RXFP2: variants seen among roughly 807,000 people sequenced by gnomAD.
RXFP2 encodes the protein relaxin receptor 2.
RXFP2 carries 68 observed loss-of-function variants against 88.6 expected under a neutral mutation model. The observed-to-expected ratio is 0.77, with a 90% CI of 0.63 to 0.94. RXFP2 has a LOEUF of 0.94. Among genes scored for constraint, RXFP2 ranks in the 40% least tolerant of loss-of-function variants. RXFP2 has a pLI of 0.00. For missense variants in RXFP2, 791 were observed against 893.9 expected (o/e 0.88, Z 1.47); for synonymous variants, 329 against 306.8 (o/e 1.07, Z -0.76).
intron 1 of RXFP2, 118 bp downstream of exon 1, chr13:31,739,824 A>T (rs1871155942): frequency 4.1e-6 from 3 of 729,394 alleles, no homozygotes; most frequent in East Asian, 2.7e-5. Context: ...ACAGACATCA[A>T]ATTTGCCTGG....
intron 1 of RXFP2, among the ~76,000 whole-genome samples, chr13:31,753,793 C>T (rs570494687): frequency 1.3e-5 from 2 of 152,050 alleles, no homozygotes; most frequent in Non-Finnish European, 2.9e-5. Flanking sequence ...TTGAAAAGTG[C>T]TCTTCCTTCA....
chr13:31,740,654 A>C (rs1343451154), intron 1 of RXFP2, among the ~76,000 whole-genome samples: 1 of 152,046 alleles, frequency 6.6e-6, no homozygotes, highest in Non-Finnish European at 1.5e-5. Flanking sequence ...ACTTCTAACA[A>C]ACAAAAGATT....
intron 1 of RXFP2, among the ~76,000 whole-genome samples, chr13:31,751,709 C>A (rs193152689): frequency 2.0e-4 from 30 of 152,268 alleles, no homozygotes; most frequent in African/African-American, 7.2e-4. Flanking sequence ...GGTGAAGGGA[C>A]CAAGGTACCA....
intron 13 of RXFP2, among the ~76,000 whole-genome samples, chr13:31,787,427 T>C (rs1873593678): frequency 6.6e-6 from 1 of 152,246 alleles, no homozygotes; most frequent in Admixed American, 6.5e-5. Context: ...GAAGCCATAA[T>C]ATTAAACATA....
intron 1 of RXFP2, among the ~76,000 whole-genome samples, chr13:31,755,435 G>A (rs374943902): frequency 3.4e-4 from 51 of 152,218 alleles, no homozygotes; most frequent in African/African-American, 1.1e-3. Flanking sequence ...GTGTGTGGGT[G>A]TGAGAGTGAG....
intron 17 of RXFP2, 31 bp from the exon 18 acceptor site, chr13:31,802,115 C>A (rs1566241045): frequency 6.2e-7 from 1 of 1,609,832 alleles, no homozygotes; most frequent in African/African-American, 1.3e-5. Flanking sequence ...AAAACTTCAA[C>A]TTTTTTTTCA....
intron 2 of RXFP2, among the ~76,000 whole-genome samples, chr13:31,760,077 T>TTTGTTTGA (rs1872230886): frequency 6.8e-6 from 1 of 146,810 alleles, no homozygotes; most frequent in Admixed American, 6.8e-5. Flanking sequence ...GTTGTTGTTG[T>TTTGTTTGA]TTGTTTGTTT....
intron 9 of RXFP2, 133 bp downstream of exon 9, chr13:31,778,716 C>A: frequency 2.6e-6 from 2 of 779,680 alleles, no homozygotes; most frequent in South Asian, 2.7e-5. Flanking sequence ...TATTACCTTC[C>A]CAGTTTCAAA....
In RXFP2 at chr13:31,749,083, T is replaced by A. The variant is rs556231158; in HGVS notation, c.95-9175T>A. 3.9e-5 allele frequency among the ~76,000 whole-genome samples: 6 copies of A among 152,324 alleles called. No individual in the cohort carries two copies. The South Asian group carries it at 1.2e-3, about 32-fold the overall frequency. ...TTATGATTAGTACTTTTATTTGGCT[T>A]TTCTTCTTTGTATTCTCCTTAATAC... is the stretch of plus-strand genomic sequence containing the variant. On this transcript the variant is annotated intron_variant, in intron 1 of 17. Coordinates refer to ENST00000298386, the MANE Select transcript of RXFP2 (RefSeq NM_130806.5).
intron 6 of RXFP2, 43 bp from the exon 7 acceptor site, chr13:31,775,275 G>A: frequency 7.3e-7 from 1 of 1,369,172 alleles, no homozygotes; most frequent in Non-Finnish European, 1.0e-6. Flanking sequence ...GACTAAAATA[G>A]GGTATTGAGT....
At chr13:31,781,834 T>C in intron 10 of RXFP2, 92 bp downstream of exon 10, 1 of 981,992 alleles carries the variant, frequency 1.0e-6, no homozygotes, top group South Asian at 1.4e-5. Flanking sequence ...TAAAGTAGTG[T>C]TTTGTTTACA....
chr13:31,766,488 G>A (rs1471908459), intron 5 of RXFP2, among the ~76,000 whole-genome samples: 7 of 152,190 alleles, frequency 4.6e-5, no homozygotes, highest in African/African-American at 1.4e-4. Flanking sequence ...TAACATATCT[G>A]AGGAAAGAAA....
rs749993531 is a variant in RXFP2 at position 31,780,475 on chromosome 13, T to C, written c.786-1196T>C. On this transcript the variant is annotated intron_variant, in intron 9 of 17. Transcript: ENST00000298386. ...TTTGTTATTTTTAATCACAGTATAT[T>C]GTGTGAAAAATGTACATCTCAAGTT... Among the ~76,000 whole-genome samples the C allele has an allele frequency of 2.6e-5, 4 of 152,318 alleles. No homozygotes were observed. In the Middle Eastern group the frequency reaches 0.01, roughly 389 times the overall value.
At chr13:31,798,165 G>C (rs1256841123) in intron 17 of RXFP2, among the ~76,000 whole-genome samples, 1 of 152,174 alleles carries the variant, frequency 6.6e-6, no homozygotes, top group Non-Finnish European at 1.5e-5. Context: ...GTGTCAAGCA[G>C]GATGCCTGAT....
At chr13:31,749,419 G>T (rs745617273) in intron 1 of RXFP2, among the ~76,000 whole-genome samples, 4 of 152,200 alleles carry the variant, frequency 2.6e-5, no homozygotes, top group East Asian at 1.9e-4. Context: ...GGCTCTTCGT[G>T]TTCTTTTGCA....
chr13:31,740,130 G>A (rs1871173073), intron 1 of RXFP2, among the ~76,000 whole-genome samples: 1 of 152,052 alleles, frequency 6.6e-6, no homozygotes, highest in Middle Eastern at 3.4e-3. Context: ...AATTAAACTG[G>A]GAACTCCAAA....
chr13:31,774,719 G>C (rs1193266364), intron 6 of RXFP2, 28 bp downstream of exon 6: 2 of 1,205,594 alleles, frequency 1.7e-6, no homozygotes, highest in African/African-American at 3.0e-5. Context: ...CATATTGTAG[G>C]TATAATTTTA....
chr13:31,754,352 G>A (rs1304950287), intron 1 of RXFP2, among the ~76,000 whole-genome samples: 1 of 152,130 alleles, frequency 6.6e-6, no homozygotes, highest in Non-Finnish European at 1.5e-5. Flanking sequence ...CCATTATGGT[G>A]AAACCCCATC....
At chr13:31,765,822 G>T (rs912601226) in intron 4 of RXFP2, 134 bp from the exon 5 acceptor site, 2 of 621,296 alleles carry the variant, frequency 3.2e-6, no homozygotes, top group African/African-American at 1.9e-5. Context: ...AAAATTTTTA[G>T]TTATTGTCAT....
Sources: gnomAD v4.1 joint callset for allele counts (sites outside exome capture counted in the v4.1 genomes callset) on GRCh38, gnomAD v4.1.1 for gene constraint, MANE v1.5 for transcripts, NCBI Gene and HGNC (gene_info 2026-07-23, HGNC 2026-07-21) for gene names.